The following HERC2 variants were observed in gnomAD, a reference collection of about 807,000 sequenced individuals.
HERC2 encodes the protein HECT and RLD domain containing E3 ubiquitin protein ligase 2.
In HERC2, 102 loss-of-function variants were observed where a neutral mutation model predicts 537.7. The observed-to-expected ratio is 0.19, with a 90% CI of 0.16 to 0.22. HERC2 has a LOEUF of 0.22. Ranked by LOEUF, HERC2 falls within the 10% of genes least tolerant of loss-of-function variation. HERC2 has a pLI of 1.00. For synonymous variants in HERC2, 2,224 were observed against 2,466.2 expected, an observed-to-expected ratio of 0.90 and a Z score of 2.91; for missense variants, 4,236 against 6,198.2, an observed-to-expected ratio of 0.68 and a Z score of 10.63.
At chr15:28,137,440 G>A (rs1021409175) in intron 78 of HERC2, among the ~76,000 whole-genome samples, 16 of 152,114 alleles carry the variant, frequency 1.1e-4, no homozygotes, top group East Asian at 5.8e-4. Context: ...GTCTATCGGC[G>A]CCATTTTCCC....
intron 57 of HERC2, among the ~76,000 whole-genome samples, chr15:28,179,480 T>C (rs1262361774): frequency 1.3e-5 from 2 of 152,194 alleles, no homozygotes; most frequent in Admixed American, 1.3e-4. Context: ...GTGATGCTGG[T>C]GTCAACAAGC....
At position 28,226,117 on chromosome 15, in the gene HERC2, C is replaced by T. The variant is rs186188300; in HGVS notation, c.5464+2101G>A. On this transcript the variant is annotated intron_variant, in intron 35 of 92. Transcript: ENST00000261609. ...CTGATAACTGTAAAACAATAAAATA[C>T]TGCTGAAAGAAATTAAAGAGGACAG... Among the ~76,000 whole-genome samples the T allele has an allele frequency of 1.5e-4, 23 of 152,300 alleles. No individual in the cohort carries two copies. The East Asian group carries it at 2.1e-3, about 14-fold the overall frequency.
At chr15:28,149,831 C>T (rs770132313) in intron 70 of HERC2, among the ~76,000 whole-genome samples, 1 of 151,872 alleles carries the variant, frequency 6.6e-6, no homozygotes, top group Non-Finnish European at 1.5e-5. Flanking sequence ...CCAAGAACAT[C>T]GCCGAGAACA....
chr15:28,243,014 C>G (rs906394812), intron 23 of HERC2, among the ~76,000 whole-genome samples: 1 of 152,176 alleles, frequency 6.6e-6, no homozygotes, highest in Admixed American at 6.5e-5. Flanking sequence ...GGTACACTGT[C>G]ACCATTTCTA....
chr15:28,289,868 G>A (rs545833005), intron 4 of HERC2, among the ~76,000 whole-genome samples: 1 of 152,096 alleles, frequency 6.6e-6, no homozygotes, highest in African/African-American at 2.4e-5. Context: ...CGCAGTGAAA[G>A]GACGACACAT....
rs4410052 is a variant in HERC2, at chr15:28,313,689, T to C, written c.72+7673A>G. Among the ~76,000 whole-genome samples the C allele has an allele frequency of 8.7e-4, 133 of 152,264 alleles. No individual in the cohort carries two copies. In the East Asian group the frequency reaches 0.019, roughly 21 times the overall value. On this transcript the variant is annotated intron_variant, in intron 2 of 92. Transcript: ENST00000261609. ...CCTACAGAAAAATACTAAACATCTA[T>C]TGAACGTAGGACAACATATAAAAAA...
intron 83 of HERC2, among the ~76,000 whole-genome samples, chr15:28,129,823 C>A (rs1234024765): frequency 6.9e-6 from 1 of 145,244 alleles, no homozygotes; most frequent in Non-Finnish European, 1.5e-5. Context: ...TGTCACCAGG[C>A]TGGAGTGCAA....
At position 28,243,449 on chromosome 15, in the gene HERC2, T is replaced by C. The variant is rs553325256; in HGVS notation, c.3577+2432A>G. On this transcript the variant is annotated intron_variant, in intron 23 of 92. Coordinates refer to ENST00000261609, the MANE Select transcript of HERC2 (RefSeq NM_004667.6). Reference sequence around the variant, plus strand: ...ACACTTTTAAGTGACTACACAGGCCTGAGTGAGAGAAAAAGCTCCATCAGA... The same window carrying C: ...ACACTTTTAAGTGACTACACAGGCCCGAGTGAGAGAAAAAGCTCCATCAGA... 3.9e-5 allele frequency among the ~76,000 whole-genome samples: 6 copies of C among 152,244 alleles called. No individual in the cohort carries two copies. In the South Asian group the frequency reaches 1.2e-3, roughly 32 times the overall value.
chr15:28,231,471 A>G (rs1901835902), intron 30 of HERC2, among the ~76,000 whole-genome samples: 3 of 152,200 alleles, frequency 2.0e-5, no homozygotes, highest in Admixed American at 6.5e-5. Flanking sequence ...GGTCAGTCAC[A>G]TGGGCACTGC....
chr15:28,161,693 A>G lies in HERC2; in HGVS notation c.10746+1401T>C, dbSNP rs549510409. On this transcript the variant is annotated intron_variant, in intron 69 of 92. Coordinates refer to ENST00000261609, the MANE Select transcript of HERC2 (RefSeq NM_004667.6). ...CAGTGGCCATATGTGGCTGGTGCCA[A>G]TGGTCCCAGATGGCTCCGGTCCAGA... Among the ~76,000 whole-genome samples the G allele has an allele frequency of 9.2e-5, 14 of 152,350 alleles. No homozygotes were observed. In the East Asian group the frequency reaches 1.9e-3, roughly 21 times the overall value.
intron 2 of HERC2, among the ~76,000 whole-genome samples, chr15:28,299,754 A>G (rs891850273): frequency 6.6e-6 from 1 of 152,244 alleles, no homozygotes; most frequent in Admixed American, 6.5e-5. Context: ...TGTAACATAC[A>G]AGAAAAATGA....
At position 28,263,168 on chromosome 15, in the gene HERC2, C is replaced by A. The variant is rs2075458959; in HGVS notation, c.1872G>T (p.Gly624=). 1 of 1,597,550 alleles carries A rather than the reference C, an allele frequency of 6.3e-7. No homozygotes were observed. The highest frequency in any genetic ancestry group is 1.7e-5 in the Admixed American group (1 of 58,642). ...DAQTLAVTEN[G]QVWSWGDGDY... is the part of the protein sequence containing the mutation. ...CACCATCTCCCCAAGACCACACTTG[C>A]CCTAAAAAATACAAATGCATTTAAA... Residue 624 remains glycine, a splice_region_variant and synonymous_variant, in exon 15 of 93, where the codon GGG becomes GGT. Transcript: ENST00000261609.
At chr15:28,226,680 C>T (rs1224495805) in intron 35 of HERC2, among the ~76,000 whole-genome samples, 2 of 152,144 alleles carry the variant, frequency 1.3e-5, no homozygotes, top group African/African-American at 4.8e-5. Context: ...TCTTCATCAA[C>T]CTTGTATTTG....
intron 35 of HERC2, among the ~76,000 whole-genome samples, chr15:28,227,274 C>CA (rs60556622): frequency 6.7e-6 from 1 of 149,832 alleles, no homozygotes; most frequent in Non-Finnish European, 1.5e-5. Flanking sequence ...GACTCCGTCT[C>CA]AAAAAAAAGT....
rs1239228359 is a variant in HERC2, at chr15:28,265,775, C to A, written c.1756+42G>T. 6.2e-7 allele frequency: 1 copy of A among 1,614,078 alleles called. No individual in the cohort carries two copies. The highest frequency in any genetic ancestry group is 2.2e-5 in the East Asian group (1 of 44,862). ...GCGGTTACTAAGTCCTGTAAGAGGCCACCTCCTGCTGCATGCTCCCACTCA... is the reference window on the plus strand; with the variant it reads ...GCGGTTACTAAGTCCTGTAAGAGGCAACCTCCTGCTGCATGCTCCCACTCA... On this transcript the variant is annotated intron_variant, in intron 13 of 92. Transcript: ENST00000261609. This position sits in a 1 kb window ranked among gnomAD's most constrained non-coding sequence, Gnocchi z 4.0.
In HERC2 at chr15:28,210,924, A is replaced by T. The variant is rs189179913; in HGVS notation, c.7069+78T>A. The T allele has an allele frequency of 8.1e-4, 871 of 1,077,218 alleles. 5 individuals carry two copies. In the African/African-American group the frequency reaches 0.012, roughly 15 times the overall value. The allele number at this position is 1,077,218 out of a possible 1,614,324, so 66.7% of individuals were successfully genotyped here. A position where few individuals can be genotyped will look rare whatever the true frequency, so the allele number is the denominator to read the frequency against. ...TTATAAGCCACCTATGTCCATTTTT[A>T]TGAACTGATTATTCACTTCCTTTGT... On this transcript the variant is annotated intron_variant, in intron 44 of 92. Coordinates refer to ENST00000261609, the MANE Select transcript of HERC2 (RefSeq NM_004667.6).
At chr15:28,226,976 T>A (rs929396702) in intron 35 of HERC2, among the ~76,000 whole-genome samples, 2 of 152,158 alleles carry the variant, frequency 1.3e-5, no homozygotes, top group Non-Finnish European at 2.9e-5. Flanking sequence ...GACAACCCTA[T>A]TTAAAAAGGA....
At position 28,292,246 on chromosome 15, in the gene HERC2, A is replaced by C. The variant is rs866098258; in HGVS notation, c.322+642T>G. Among the ~76,000 whole-genome samples the C allele has an allele frequency of 1.1e-3, 164 of 151,848 alleles. 2 individuals carry two copies. Among genetic ancestry groups the C allele is most frequent in the Middle Eastern group, 6.8e-3 (2 of 294 alleles). ...CTCCATCTCCAAAAAAAAAAAAAAA[A>C]AAAAAAACCAGGCAAAGTATTTGAA... On this transcript the variant is annotated intron_variant, in intron 4 of 92. Transcript: ENST00000261609.
rs1202551066 is a variant in HERC2, at chr15:28,233,579, A to G, written c.4352-18T>C. The G allele has an allele frequency of 6.2e-7, 1 of 1,613,778 alleles. No homozygotes were observed. The highest frequency in any genetic ancestry group is 1.1e-5 in the South Asian group (1 of 91,068). ...CACATGACCTGTAAAAAGACATTTA[A>G]AAGAAGGGCAGGGATGAATATGTAC... On this transcript the variant is annotated intron_variant, in intron 28 of 92. Coordinates refer to ENST00000261609, the MANE Select transcript of HERC2 (RefSeq NM_004667.6).
Sources: allele counts gnomAD v4.1 joint callset (sites outside exome capture counted in the v4.1 genomes callset), GRCh38; gene constraint gnomAD v4.1.1; non-coding constraint Gnocchi (gnomAD v3.1); transcripts MANE v1.5; gene names NCBI Gene and HGNC (gene_info 2026-07-23, HGNC 2026-07-21).